Variants in NKAIN2 observed in about 807,000 individuals in gnomAD.
The protein encoded by NKAIN2 is sodium/potassium transporting ATPase interacting 2.
In NKAIN2, 14 loss-of-function variants were observed where a neutral mutation model predicts 32.6. The observed-to-expected ratio is 0.43, with a 90% CI of 0.28 to 0.67. The LOEUF is 0.67. NKAIN2 is among the 30% of genes least tolerant of loss of function. The pLI is 0.17. For missense variants in NKAIN2, 198 were observed against 258.3 expected (o/e 0.77, Z 1.60); for synonymous variants, 80 against 87.2 (o/e 0.92, Z 0.46).
At chr6:123,858,955 T>A (rs1775670068) in intron 1 of NKAIN2, among the ~76,000 whole-genome samples, 2 of 152,190 alleles carry the variant, frequency 1.3e-5, no homozygotes, top group Admixed American at 6.5e-5. Flanking sequence ...TGGACATATC[T>A]TCTTTATAAG....
intron 3 of NKAIN2, among the ~76,000 whole-genome samples, chr6:124,612,052 C>T (rs1271026717): frequency 6.6e-6 from 1 of 151,926 alleles, no homozygotes; most frequent in Non-Finnish European, 1.5e-5. Context: ...ACCACTCATT[C>T]TCATATACTA....
At chr6:124,143,418 C>T (rs1210790620) in intron 1 of NKAIN2, among the ~76,000 whole-genome samples, 2 of 152,148 alleles carry the variant, frequency 1.3e-5, no homozygotes, top group African/African-American at 4.8e-5. Flanking sequence ...TATGACTGTG[C>T]TACTGTACTC....
chr6:124,722,580 G>A (rs555987756), intron 4 of NKAIN2, among the ~76,000 whole-genome samples: 9 of 152,222 alleles, frequency 5.9e-5, no homozygotes, highest in Middle Eastern at 3.4e-3. Flanking sequence ...TCACTATAGG[G>A]TCTGTGCTCC....
intron 5 of NKAIN2, among the ~76,000 whole-genome samples, chr6:124,801,060 A>AT (rs937554555): frequency 1.3e-5 from 2 of 152,130 alleles, no homozygotes; most frequent in African/African-American, 4.8e-5. Flanking sequence ...AGGGGACAGT[A>AT]TTTCTGTTGG....
chr6:124,493,806 C>A (rs2114730764), intron 3 of NKAIN2, among the ~76,000 whole-genome samples: 1 of 148,968 alleles, frequency 6.7e-6, no homozygotes, highest in Non-Finnish European at 1.5e-5. Flanking sequence ...GGCCACTCAT[C>A]TTCCCCATTC....
At chr6:124,588,446 T>C (rs1781791772) in intron 3 of NKAIN2, among the ~76,000 whole-genome samples, 1 of 152,172 alleles carries the variant, frequency 6.6e-6, no homozygotes. Context: ...TTTTCGGTAA[T>C]GATCATACAC....
chr6:124,259,593 C>A (rs2114837298), intron 1 of NKAIN2, among the ~76,000 whole-genome samples: 1 of 152,242 alleles, frequency 6.6e-6, no homozygotes, highest in South Asian at 2.1e-4. Flanking sequence ...GCTTTCATTA[C>A]TACTAGTCTT....
intron 1 of NKAIN2, among the ~76,000 whole-genome samples, chr6:123,873,881 C>G (rs981708036): frequency 6.6e-6 from 1 of 152,154 alleles, no homozygotes; most frequent in African/African-American, 2.4e-5. Context: ...GCACGCTGTT[C>G]ATTCAGACCT....
intron 3 of NKAIN2, among the ~76,000 whole-genome samples, chr6:124,387,123 T>A (rs1772932366): frequency 6.6e-6 from 1 of 152,142 alleles, no homozygotes; most frequent in Admixed American, 6.6e-5. Context: ...TTCCATGAAC[T>A]TTTTGAAAAC....
At chr6:123,878,728 G>C (rs557581030) in intron 1 of NKAIN2, among the ~76,000 whole-genome samples, 1 of 152,218 alleles carries the variant, frequency 6.6e-6, no homozygotes, top group Admixed American at 6.5e-5. Context: ...AATGCTGCCT[G>C]CCTTTCAACT....
chr6:124,417,392 A>T (rs1050599414), intron 3 of NKAIN2, among the ~76,000 whole-genome samples: 2 of 152,220 alleles, frequency 1.3e-5, no homozygotes, highest in African/African-American at 2.4e-5. Flanking sequence ...GTAGTTGAAG[A>T]TAAAACAATA....
At chr6:124,502,608 G>C (rs1024736766) in intron 3 of NKAIN2, among the ~76,000 whole-genome samples, 2 of 152,180 alleles carry the variant, frequency 1.3e-5, no homozygotes, top group Admixed American at 1.3e-4. Flanking sequence ...AAGAATTCAT[G>C]ATATCAGCTG....
chr6:124,133,480 G>T (rs909800884), intron 1 of NKAIN2, among the ~76,000 whole-genome samples: 3 of 152,034 alleles, frequency 2.0e-5, no homozygotes, highest in Non-Finnish European at 4.4e-5. Flanking sequence ...CTGGGACCTC[G>T]GCCCACTGTT....
At chr6:124,365,522 G>A (rs906885661) in intron 3 of NKAIN2, among the ~76,000 whole-genome samples, 2 of 151,810 alleles carry the variant, frequency 1.3e-5, no homozygotes, top group East Asian at 1.9e-4. Context: ...AAATAATACA[G>A]CTTCAAAGTA....
At chr6:124,294,273 C>T (rs1215109755) in intron 2 of NKAIN2, among the ~76,000 whole-genome samples, 1 of 152,030 alleles carries the variant, frequency 6.6e-6, no homozygotes, top group Non-Finnish European at 1.5e-5. Flanking sequence ...CAGTACCCAG[C>T]GAGTGAGAAC....
chr6:124,790,418 T>C (rs1311046185), intron 4 of NKAIN2, among the ~76,000 whole-genome samples: 1 of 152,012 alleles, frequency 6.6e-6, no homozygotes, highest in Non-Finnish European at 1.5e-5. Flanking sequence ...CTGAATATTA[T>C]TGTGTGGGGT....
chr6:124,582,346 A>G (rs538446548), intron 3 of NKAIN2, among the ~76,000 whole-genome samples: 1 of 152,288 alleles, frequency 6.6e-6, no homozygotes, highest in African/African-American at 2.4e-5. Context: ...TTGCTCATAT[A>G]AACTGGAATA....
chr6:123,869,214 C>A (rs965814902), intron 1 of NKAIN2, among the ~76,000 whole-genome samples: 9 of 151,998 alleles, frequency 5.9e-5, no homozygotes, highest in Admixed American at 1.3e-4. Flanking sequence ...TAAAATAGGC[C>A]CACACTTATT....
At chr6:123,992,632 C>T (rs1779460287) in intron 1 of NKAIN2, among the ~76,000 whole-genome samples, 1 of 152,040 alleles carries the variant, frequency 6.6e-6, no homozygotes, top group Non-Finnish European at 1.5e-5. Flanking sequence ...AAGATATAAA[C>T]CTATAAAAAG....
Sources: allele counts gnomAD v4.1 joint callset (sites outside exome capture counted in the v4.1 genomes callset), GRCh38; gene constraint gnomAD v4.1.1; transcripts MANE v1.5; gene names NCBI Gene and HGNC (gene_info 2026-07-23, HGNC 2026-07-21).